The following C8orf58 variants were observed in gnomAD, a reference collection of about 807,000 sequenced individuals.
The protein encoded by C8orf58 is uncharacterized protein C8orf58.
In C8orf58, 31 loss-of-function variants were observed where a neutral mutation model predicts 36.8. The observed-to-expected ratio is 0.84, with a 90% confidence interval of 0.63 to 1.14. The LOEUF (loss-of-function observed/expected upper bound fraction) is 1.14, where lower values mean the gene tolerates loss of function less well. Ranked by LOEUF, C8orf58 falls within the 50% of genes most tolerant of loss-of-function variation. The pLI is 0.00. For synonymous variants in C8orf58, 230 were observed against 200.2 expected (o/e 1.15, Z -1.26); for missense variants, 538 against 480.8 (o/e 1.12, Z -1.11).
chr8:22,601,741 C>T lies in C8orf58; in HGVS notation c.546C>T (p.Ala182=). Residue 182 remains alanine (A), a synonymous_variant, in exon 3 of 7, where the codon GCC becomes GCT. Transcript: ENST00000289989. The part of the protein sequence containing the change: ...AVGGLGPGAW[A]CLPGQGLRYL... ...GGGGCCTGGGGCCTGGAGCCTGGGC[C>T]TGCCTCCCCGGGCAGGGTCTTCGCT... The T allele has an allele frequency of 6.2e-7, 1 of 1,611,656 alleles. No individual in the cohort carries two copies. Among genetic ancestry groups the T allele is most frequent in the Non-Finnish European group, 8.5e-7 (1 of 1,179,446 alleles).
In C8orf58 at chr8:22,600,894, A is replaced by G. The variant is rs960957230; in HGVS notation, c.53A>G (p.Glu18Gly). ...ACTCTCCATGCAGATGGGGCTGGCGAGGGCCTGGCACGGGGCTGCATAGTG... is the reference window on the plus strand; with the variant it reads ...ACTCTCCATGCAGATGGGGCTGGCGGGGGCCTGGCACGGGGCTGCATAGTG... ...FAVDGRDGAG[E>G]GLARGCIVPG... The change falls in exon 2 of 7, where the codon GAG becomes GGG. Residue 18 changes from glutamate to glycine, a missense_variant. By Grantham distance (98) the Glu-to-Gly change is moderately conservative. Transcript: ENST00000289989. The G allele has an allele frequency of 4.4e-6, 7 of 1,605,036 alleles. No homozygotes were observed. The highest frequency in any genetic ancestry group is 5.1e-6 in the Non-Finnish European group (6 of 1,176,608).
intron 5 of C8orf58, 47 bp from the exon 6 acceptor site, chr8:22,602,490 G>T: frequency 2.0e-6 from 3 of 1,521,038 alleles, no homozygotes; most frequent in African/African-American, 1.4e-5. Context: ...TTGGTCGGGG[G>T]TCTGAGTGTG....
Position 22,604,021 on chromosome 8 carries a change from G to A in C8orf58, c.*715G>A, listed in dbSNP as rs533837821. 1.3e-5 allele frequency: 2 copies of A among 155,522 alleles called. No individual in the cohort carries two copies. The highest frequency in any genetic ancestry group is 1.9e-4 in the South Asian group (1 of 5,158). 9.6% of individuals were successfully genotyped at this position (155,522 alleles called of 1,614,324 possible). A position where few individuals can be genotyped will look rare whatever the true frequency, so the allele number is the denominator to read the frequency against. ...TAATTCAAACCAGATGCCTGTACTA[G>A]TTTTTAGACCCCAAGTCAACCTTTC... is the stretch of plus-strand genomic sequence containing the variant. On this transcript the variant is annotated 3_prime_UTR_variant, in exon 7 of 7. Transcript: ENST00000289989.
chr8:22,603,519 G>A lies in C8orf58; in HGVS notation c.*213G>A. ...GCCCCCAAGATGCCGCAGCTCCAGGGCTCTTCCTCCTCACCAGAAATCCCT... is the reference window on the plus strand; with the variant it reads ...GCCCCCAAGATGCCGCAGCTCCAGGACTCTTCCTCCTCACCAGAAATCCCT... On this transcript the variant is annotated 3_prime_UTR_variant, in exon 7 of 7. Transcript: ENST00000289989. 3 of 601,474 alleles carry A rather than the reference G, an allele frequency of 5.0e-6. No individual in the cohort carries two copies. The highest frequency in any genetic ancestry group is 9.0e-6 in the Non-Finnish European group (3 of 333,212). The allele number at this position is 601,474 out of a possible 1,614,324, so 37.3% of individuals were successfully genotyped here.
rs1800861872 is a variant in C8orf58 at position 22,601,694 on chromosome 8, T to G, written c.517-18T>G. The G allele has an allele frequency of 6.3e-7, 1 of 1,589,710 alleles. No individual in the cohort carries two copies. Among genetic ancestry groups the G allele is most frequent in the Non-Finnish European group, 8.5e-7 (1 of 1,170,020 alleles). On this transcript the variant is annotated intron_variant, in intron 2 of 6. Coordinates refer to ENST00000289989, the MANE Select transcript of C8orf58 (RefSeq NM_001013842.3). ...GCCCTACTGGCTGAAATCTCCCCTA[T>G]CTCACAATGTCCCACAGGTGGGGGG...
In C8orf58 at chr8:22,603,324, G is replaced by A. The variant is rs1392595564; in HGVS notation, c.*18G>A. ...TAGGCTGAGACCTCTCGGTGCACCTGGTGACCCTGGGTGGAGGGGACTTGC... is the reference window on the plus strand; with the variant it reads ...TAGGCTGAGACCTCTCGGTGCACCTAGTGACCCTGGGTGGAGGGGACTTGC... On this transcript the variant is annotated 3_prime_UTR_variant, in exon 7 of 7. Coordinates refer to ENST00000289989, the MANE Select transcript of C8orf58 (RefSeq NM_001013842.3). 2.0e-6 allele frequency: 3 copies of A among 1,537,528 alleles called. No homozygotes were observed. Among genetic ancestry groups the A allele is most frequent in the Non-Finnish European group, 2.7e-6 (3 of 1,110,654 alleles).
In C8orf58 at chr8:22,602,605, C is replaced by A; in HGVS notation, c.948C>A (p.His316Gln). 6.4e-7 allele frequency: 1 copy of A among 1,563,890 alleles called. No homozygotes were observed. Among genetic ancestry groups the A allele is most frequent in the Non-Finnish European group, 8.7e-7 (1 of 1,151,044 alleles). ...GGATCTGCCGGAGAAGCCACCACCA[C>A]CCTGAGCCCCCTGCCCCTCCTGATG... The part of the protein sequence containing the change: ...LNRICRRSHH[H>Q]PEPPAPPDGS... Residue 316 changes from histidine to glutamine, a missense_variant, in exon 6 of 7, where the codon CAC becomes CAA. Physicochemically the swap from His to Gln is conservative, Grantham distance 24 (BLOSUM62 0). Coordinates refer to ENST00000289989, the MANE Select transcript of C8orf58 (RefSeq NM_001013842.3).
At chr8:22,600,008 G>A (rs764370923) in intron 1 of C8orf58, 2 of 343,370 alleles carry the variant, frequency 5.8e-6, no homozygotes. Context: ...CTCCGGCTCC[G>A]CTTCCCTCGC....
At position 22,602,579 on chromosome 8, in the gene C8orf58, C is replaced by T. The variant is rs747819385; in HGVS notation, c.922C>T (p.Arg308Trp). The change falls in exon 6 of 7, where the codon CGG becomes TGG. Residue 308 changes from arginine (R) to tryptophan (W), a missense_variant. Physicochemically the swap from Arg to Trp is moderately radical, Grantham distance 101. Transcript: ENST00000289989. ...HWDKVKVLLN[R>W]ICRRSHHHPE... ...GGACAAGGTCAAGGTCCTGCTCAAC[C>T]GGATCTGCCGGAGAAGCCACCACCA... The T allele has an allele frequency of 1.6e-5, 26 of 1,582,018 alleles. No individual in the cohort carries two copies. Among genetic ancestry groups the T allele is most frequent in the South Asian group, 5.8e-5 (5 of 85,806 alleles).
rs1340948578 is a variant in C8orf58, at chr8:22,601,285, G to C, written c.444G>C (p.Val148=). 2 of 1,608,518 alleles carry C rather than the reference G, an allele frequency of 1.2e-6. No homozygotes were observed. Among genetic ancestry groups the C allele is most frequent in the Non-Finnish European group, 1.7e-6 (2 of 1,177,160 alleles). Residue 148 remains valine (V), a synonymous_variant, in exon 2 of 7, where the codon GTG becomes GTC. Coordinates refer to ENST00000289989, the MANE Select transcript of C8orf58 (RefSeq NM_001013842.3). ...LRLASKPERE[V]PLGAGQQESM... is the part of the protein sequence containing the mutation. ...TGGCAAGCAAGCCTGAGCGTGAAGTGCCCCTTGGAGCAGGGCAACAGGAGT... is the reference window on the plus strand; with the variant it reads ...TGGCAAGCAAGCCTGAGCGTGAAGTCCCCCTTGGAGCAGGGCAACAGGAGT...
chr8:22,600,636 G>A (rs1800819789), intron 1 of C8orf58, among the ~76,000 whole-genome samples: 1 of 152,242 alleles, frequency 6.6e-6, no homozygotes, highest in East Asian at 1.9e-4. Flanking sequence ...GATGTGGCCT[G>A]CCAGGGCTTT....
At chr8:22,602,764 G>A (rs1449687807) in intron 6 of C8orf58, 121 bp downstream of exon 6, 1 of 662,912 alleles carries the variant, frequency 1.5e-6, no homozygotes, top group Non-Finnish European at 2.6e-6. Flanking sequence ...GTCTGGGAGG[G>A]GCTGCTAGAA....
intron 6 of C8orf58, 74 bp downstream of exon 6, chr8:22,602,717 C>A: frequency 2.0e-6 from 2 of 1,016,146 alleles, no homozygotes; most frequent in South Asian, 1.6e-5. Context: ...ATTGTCATGC[C>A]AGTTGTCATT....
At chr8:22,603,036 A>G (rs146365833) in intron 6 of C8orf58, 159 bp from the exon 7 acceptor site, 296 of 621,008 alleles carry the variant, frequency 4.8e-4, no homozygotes, top group Middle Eastern at 1.1e-3. Flanking sequence ...CTTGTATTGA[A>G]TCGTTCTCCA....
Position 22,601,020 on chromosome 8 carries a change from T to G in C8orf58, c.179T>G (p.Leu60Arg). ...TTCAGAGGTGTCGGCAGGGAGGCAC[T>G]CTTTCTCAAACTGGCCTCCCGGGAC... Reference protein sequence around the residue: ...DKFRGVGREALFLKLASRDSG... With the variant: ...DKFRGVGREARFLKLASRDSG... Residue 60 changes from leucine to arginine, a missense_variant, in exon 2 of 7, where the codon CTC becomes CGC. Leu to Arg is a moderately radical substitution (Grantham distance 102, BLOSUM62 -2). Coordinates refer to ENST00000289989, the MANE Select transcript of C8orf58 (RefSeq NM_001013842.3). 4 of 1,612,822 alleles carry G rather than the reference T, an allele frequency of 2.5e-6. No individual in the cohort carries two copies. The highest frequency in any genetic ancestry group is 3.4e-6 in the Non-Finnish European group (4 of 1,179,994).
At position 22,601,796 on chromosome 8, in the gene C8orf58, C is replaced by A. The variant is rs1259668144; in HGVS notation, c.601C>A (p.Gln201Lys). ...GGAACACCTGTGCCTGGTGCTGGAG[C>A]AGATGGCAAGGCTCCAGCAGCTCTA... Reference protein sequence around the residue: ...YLEHLCLVLEQMARLQQLYLQ... With the variant: ...YLEHLCLVLEKMARLQQLYLQ... Residue 201 changes from glutamine (Q) to lysine (K), a missense_variant, in exon 3 of 7, where the codon CAG becomes AAG. Gln to Lys is a moderately conservative substitution (Grantham distance 53). Transcript: ENST00000289989. 8 of 1,612,306 alleles carry A rather than the reference C, an allele frequency of 5.0e-6. No homozygotes were observed. In the Admixed American group the frequency reaches 6.7e-5, roughly 13 times the overall value.
intron 2 of C8orf58, 95 bp from the exon 3 acceptor site, chr8:22,601,617 C>G: frequency 7.1e-7 from 1 of 1,413,526 alleles, no homozygotes; most frequent in Non-Finnish European, 9.6e-7. Context: ...GGGGCCCACT[C>G]TGCTCCCATC....
Position 22,603,380 on chromosome 8 carries a change from G to C in C8orf58, c.*74G>C, listed in dbSNP as rs112182952. Reference sequence around the variant, plus strand: ...AGTCTTCCTCGCCCTCTGCCCTCTTGCTGCTTCTCCACATTGCCAGGAAAA... The same window carrying C: ...AGTCTTCCTCGCCCTCTGCCCTCTTCCTGCTTCTCCACATTGCCAGGAAAA... On this transcript the variant is annotated 3_prime_UTR_variant, in exon 7 of 7. Coordinates refer to ENST00000289989, the MANE Select transcript of C8orf58 (RefSeq NM_001013842.3). The C allele has an allele frequency of 1.9e-3, 2,023 of 1,060,376 alleles. 38 individuals are homozygous for C. The Admixed American group carries it at 0.033, about 17-fold the overall frequency. 65.7% of individuals were successfully genotyped at this position (1,060,376 alleles called of 1,614,324 possible).
chr8:22,601,377 C>A lies in C8orf58; in HGVS notation c.516+20C>A. The A allele has an allele frequency of 1.3e-6, 2 of 1,522,568 alleles. No homozygotes were observed. The highest frequency in any genetic ancestry group is 1.8e-6 in the Non-Finnish European group (2 of 1,126,732). 94.3% of individuals were successfully genotyped at this position (1,522,568 alleles called of 1,614,324 possible). ...GAGGCGGTGAGTGCTCACTCTCAGG[C>A]TGGGTTTAAGAGTGGGATGGACAGC... On this transcript the variant is annotated intron_variant, in intron 2 of 6. Coordinates refer to ENST00000289989, the MANE Select transcript of C8orf58 (RefSeq NM_001013842.3).
Sources: allele counts gnomAD v4.1 joint callset (sites outside exome capture counted in the v4.1 genomes callset), GRCh38; gene constraint gnomAD v4.1.1; transcripts MANE v1.5; gene names NCBI Gene and HGNC (gene_info 2026-07-23, HGNC 2026-07-21).